TECRL: variants seen among roughly 807,000 people sequenced by gnomAD.
The protein encoded by TECRL is trans-2,3-enoyl-CoA reductase-like.
Under a neutral mutation model 52.8 loss-of-function variants are expected in TECRL, and 63 were observed. The observed-to-expected ratio is 1.19, with a 90% confidence interval of 0.97 to 1.47. The LOEUF is 1.47. TECRL is among the 40% of genes most tolerant of loss of function. TECRL has a pLI of 0.00. For synonymous variants in TECRL, 164 were observed against 141.9 expected, an observed-to-expected ratio of 1.16 and a Z score of -1.10; for missense variants, 482 against 429.6, an observed-to-expected ratio of 1.12 and a Z score of -1.08.
At chr4:64,334,484 G>A (rs1718902932) in intron 2 of TECRL, among the ~76,000 whole-genome samples, 1 of 152,132 alleles carries the variant, frequency 6.6e-6, no homozygotes, top group Admixed American at 6.5e-5. Context: ...TCTGAAAAAT[G>A]AGAAAACTAT....
chr4:64,382,446 A>G lies in TECRL; in HGVS notation c.235-7223T>C, dbSNP rs186698044. Among the ~76,000 whole-genome samples, 57 of 150,258 alleles carry G rather than the reference A, an allele frequency of 3.8e-4. No homozygotes were observed. In the East Asian group the frequency reaches 0.011, roughly 28 times the overall value. On this transcript the variant is annotated intron_variant, in intron 1 of 11. Transcript: ENST00000381210. Reference sequence around the variant, plus strand: ...TAGAATTGTTATATCCTCTTGCTGGATTGGCCTTTTCATCATTATATAATG... The same window carrying G: ...TAGAATTGTTATATCCTCTTGCTGGGTTGGCCTTTTCATCATTATATAATG...
At chr4:64,375,670 G>A (rs1283558868) in intron 1 of TECRL, among the ~76,000 whole-genome samples, 1 of 151,744 alleles carries the variant, frequency 6.6e-6, no homozygotes, top group Non-Finnish European at 1.5e-5. Context: ...TGAGACAAAA[G>A]TCACCTTAAG....
chr4:64,325,502 C>T (rs1391562668), intron 3 of TECRL, among the ~76,000 whole-genome samples: 4 of 152,104 alleles, frequency 2.6e-5, no homozygotes, highest in Non-Finnish European at 4.4e-5. Flanking sequence ...GAGAATCAAG[C>T]CATAATATGG....
chr4:64,298,177 T>C (rs1030888589), intron 8 of TECRL, among the ~76,000 whole-genome samples: 4 of 151,178 alleles, frequency 2.6e-5, no homozygotes, highest in African/African-American at 9.7e-5. Context: ...AATTGTTAAA[T>C]GTGTGATTGA....
chr4:64,332,744 TAG>T (rs1485494195), intron 2 of TECRL, among the ~76,000 whole-genome samples: 1 of 151,964 alleles, frequency 6.6e-6, no homozygotes, highest in African/African-American at 2.4e-5. Context: ...CATTTAATGG[TAG>T]AGAGAAAAAT....
At chr4:64,384,732 C>T (rs1000568106) in intron 1 of TECRL, among the ~76,000 whole-genome samples, 5 of 152,036 alleles carry the variant, frequency 3.3e-5, no homozygotes, top group African/African-American at 1.2e-4. Context: ...GCTGGTTTAT[C>T]TCCATACCCC....
chr4:64,357,916 T>G (rs1720885374), intron 2 of TECRL, among the ~76,000 whole-genome samples: 1 of 151,658 alleles, frequency 6.6e-6, no homozygotes, highest in Admixed American at 6.6e-5. Context: ...AGCATCCAAA[T>G]GAAGAAGAAT....
intron 2 of TECRL, among the ~76,000 whole-genome samples, chr4:64,340,077 G>A (rs1179571068): frequency 6.6e-6 from 1 of 152,166 alleles, no homozygotes; most frequent in African/African-American, 2.4e-5. Context: ...TGATACTGAT[G>A]GCAGCATCAG....
At chr4:64,322,517 C>T (rs1161731822) in intron 4 of TECRL, among the ~76,000 whole-genome samples, 172 bp downstream of exon 4, 1 of 149,170 alleles carries the variant, frequency 6.7e-6, no homozygotes, top group African/African-American at 2.5e-5. Flanking sequence ...TTTTCTATTG[C>T]TCCAATACTT....
At chr4:64,286,078 G>C (rs1723066555) in intron 9 of TECRL, among the ~76,000 whole-genome samples, 1 of 151,998 alleles carries the variant, frequency 6.6e-6, no homozygotes, top group Non-Finnish European at 1.5e-5. Flanking sequence ...TTTACATGAT[G>C]CTTCTGTGTG....
At chr4:64,362,256 G>A (rs1006745755) in intron 2 of TECRL, among the ~76,000 whole-genome samples, 1 of 151,938 alleles carries the variant, frequency 6.6e-6, no homozygotes, top group Non-Finnish European at 1.5e-5. Context: ...TGAAGTGATG[G>A]AGCAACTTGA....
rs1026341034 is a variant in TECRL, at chr4:64,278,446, T to C, written c.*1626A>G. On this transcript the variant is annotated 3_prime_UTR_variant, in exon 12 of 12. Coordinates refer to ENST00000381210, the MANE Select transcript of TECRL (RefSeq NM_001010874.5). ...TGTCAAAACTTTAAAAAATATTTAC[T>C]TTAAAAATCAGATACTTTTTAAATT... 4.0e-6 allele frequency: 1 copy of C among 248,066 alleles called. No homozygotes were observed. The highest frequency in any genetic ancestry group is 6.4e-6 in the Non-Finnish European group (1 of 156,040). The allele number at this position is 248,066 out of a possible 1,614,324, so 15.4% of individuals were successfully genotyped here.
In TECRL at chr4:64,355,794, C is replaced by CAA. The variant is rs1161940429; in HGVS notation, c.286+19376_286+19377dup. ...TGGGCAACAGAGTGAGACTCTGTCT[C>CAA]AAAAAAAAAAAAGAATAAGTTAAAA... On this transcript the variant is annotated intron_variant, in intron 2 of 11. Transcript: ENST00000381210. Among the ~76,000 whole-genome samples, 57 of 119,732 alleles carry CAA rather than the reference C, an allele frequency of 4.8e-4. 1 individual carries two copies. Among genetic ancestry groups the CAA allele is most frequent in the African/African-American group, 1.4e-3 (43 of 31,754 alleles). 78.5% of individuals were successfully genotyped at this position (119,732 alleles called of 152,430 possible). A position where few individuals can be genotyped will look rare whatever the true frequency, so the allele number is the denominator to read the frequency against.
chr4:64,356,683 A>C (rs1720797859), intron 2 of TECRL, among the ~76,000 whole-genome samples: 1 of 152,176 alleles, frequency 6.6e-6, no homozygotes, highest in Non-Finnish European at 1.5e-5. Context: ...AGATAGTGAA[A>C]ATAGTAATAA....
intron 9 of TECRL, among the ~76,000 whole-genome samples, chr4:64,288,474 C>T (rs1267962669): frequency 1.3e-5 from 2 of 152,100 alleles, no homozygotes; most frequent in East Asian, 3.9e-4. Flanking sequence ...GTCAGTTCCT[C>T]ATAAGCTGAT....
At chr4:64,387,011 A>G (rs1272216513) in intron 1 of TECRL, among the ~76,000 whole-genome samples, 1 of 152,176 alleles carries the variant, frequency 6.6e-6, no homozygotes, top group Non-Finnish European at 1.5e-5. Flanking sequence ...ACAAATTTAT[A>G]ATGACATATA....
intron 3 of TECRL, among the ~76,000 whole-genome samples, chr4:64,326,692 C>T (rs1031187122): frequency 1.3e-5 from 2 of 152,118 alleles, no homozygotes; most frequent in Non-Finnish European, 2.9e-5. Context: ...CAGCTCACTG[C>T]AGCTGCATGC....
intron 3 of TECRL, among the ~76,000 whole-genome samples, chr4:64,327,359 T>C (rs1718333838): frequency 6.6e-6 from 1 of 152,144 alleles, no homozygotes; most frequent in African/African-American, 2.4e-5. Context: ...CAGAAATTTA[T>C]CAGTCTCTTA....
chr4:64,294,112 G>A (rs1404314495), intron 8 of TECRL, among the ~76,000 whole-genome samples: 3 of 151,512 alleles, frequency 2.0e-5, no homozygotes, highest in East Asian at 3.9e-4. Flanking sequence ...TCAGCCTCCC[G>A]AGTAACTGGG....
Sources: gnomAD v4.1 joint callset for allele counts (sites outside exome capture counted in the v4.1 genomes callset) on GRCh38, gnomAD v4.1.1 for gene constraint, MANE v1.5 for transcripts, NCBI Gene and HGNC (gene_info 2026-07-23, HGNC 2026-07-21) for gene names.